The following FERMT1 variants were observed in gnomAD, a reference collection of about 807,000 sequenced individuals.
FERMT1 encodes FERM domain containing kindlin 1, also known as fermitin family homolog 1.
A neutral mutation model predicts 85.3 loss-of-function variants in FERMT1; 60 were observed. The observed-to-expected ratio is 0.70, with a 90% confidence interval of 0.57 to 0.87. The LOEUF is 0.87. FERMT1 is among the 40% of genes least tolerant of loss of function. The pLI, the probability that FERMT1 is intolerant of heterozygous loss-of-function variation, is 0.00. For synonymous variants in FERMT1, 275 were observed against 301.1 expected (o/e 0.91, Z 0.90); for missense variants, 701 against 818.9 (o/e 0.86, Z 1.76).
rs1275392675 is a variant in FERMT1 at position 6,104,593 on chromosome 20, T to C, written c.849+2939A>G. Among the ~76,000 whole-genome samples, 1 of 152,160 alleles carries C rather than the reference T, an allele frequency of 6.6e-6. No homozygotes were observed. Among genetic ancestry groups the C allele is most frequent in the Non-Finnish European group, 1.5e-5 (1 of 68,028 alleles). ...ATTATCCTGAGTCTTCCTGTCACCT[T>C]TGGGTTGACAGTTTCTGTGTGGCTG... is the stretch of plus-strand genomic sequence containing the variant. On this transcript the variant is annotated intron_variant, in intron 6 of 14. Transcript: ENST00000217289. The surrounding 1 kb of genome is among the most constrained non-coding windows in gnomAD (Gnocchi z 4.2).
rs745634549 is a variant in FERMT1, at chr20:6,076,510, T to C, written c.*663A>G. On this transcript the variant is annotated 3_prime_UTR_variant, in exon 15 of 15. Transcript: ENST00000217289. ...GGCCCCAGAAATCTGAGGAGACCAA[T>C]GACTAAGACCAGATGTGGGTCAGTG... 2 of 511,220 alleles carry C rather than the reference T, an allele frequency of 3.9e-6. No individual in the cohort carries two copies. Among genetic ancestry groups the C allele is most frequent in the South Asian group, 1.4e-5 (1 of 69,492 alleles). 31.7% of individuals were successfully genotyped at this position (511,220 alleles called of 1,614,324 possible). A position where few individuals can be genotyped will look rare whatever the true frequency, so the allele number is the denominator to read the frequency against.
At chr20:6,106,726 C>T (rs1013800798) in intron 6 of FERMT1, among the ~76,000 whole-genome samples, 1 of 152,220 alleles carries the variant, frequency 6.6e-6, no homozygotes, top group Non-Finnish European at 1.5e-5. Flanking sequence ...TGGTGACCAG[C>T]TGGGTGACCA....
intron 13 of FERMT1, among the ~76,000 whole-genome samples, chr20:6,082,696 C>G (rs937282936): frequency 6.6e-6 from 1 of 152,174 alleles, no homozygotes; most frequent in Non-Finnish European, 1.5e-5. Flanking sequence ...CACTGTGTCG[C>G]CTAGGCTGGA....
At chr20:6,098,833 T>C (rs556319145) in intron 6 of FERMT1, among the ~76,000 whole-genome samples, 23 of 152,322 alleles carry the variant, frequency 1.5e-4, no homozygotes, top group African/African-American at 5.5e-4. Flanking sequence ...GGTGAGGCTG[T>C]GGAGAAATTG....
At chr20:6,109,879 G>T (rs1401138465) in intron 5 of FERMT1, among the ~76,000 whole-genome samples, 1 of 136,188 alleles carries the variant, frequency 7.3e-6, no homozygotes, top group African/African-American at 2.9e-5. Flanking sequence ...TCCAGCCTGG[G>T]CAACAAGAGC....
At chr20:6,116,706 G>T (rs901371628) in intron 2 of FERMT1, among the ~76,000 whole-genome samples, 13 of 140,964 alleles carry the variant, frequency 9.2e-5, no homozygotes, top group Non-Finnish European at 1.7e-4. Flanking sequence ...TACAGCTTGG[G>T]CAACAAGAGC....
intron 8 of FERMT1, among the ~76,000 whole-genome samples, chr20:6,095,516 T>G (rs982460199): frequency 1.3e-5 from 2 of 152,272 alleles, no homozygotes; most frequent in African/African-American, 2.4e-5. Flanking sequence ...GGTCACTGAT[T>G]AAACTTTCAA....
chr20:6,117,934 T>C (rs2123154775), intron 2 of FERMT1, among the ~76,000 whole-genome samples: 1 of 152,376 alleles, frequency 6.6e-6, no homozygotes, highest in Middle Eastern at 3.4e-3. Context: ...AGTGCTGGGA[T>C]TACAGGCGTG....
chr20:6,098,051 C>T (rs747373061), intron 6 of FERMT1, among the ~76,000 whole-genome samples: 106 of 152,114 alleles, frequency 7.0e-4, no homozygotes, highest in Middle Eastern at 3.4e-3. Context: ...TGTGCTCAAA[C>T]GACCTACCCA....
At chr20:6,107,033 T>C (rs758235636) in intron 6 of FERMT1, among the ~76,000 whole-genome samples, 4 of 151,996 alleles carry the variant, frequency 2.6e-5, no homozygotes, top group Non-Finnish European at 5.9e-5. Flanking sequence ...CCGTCTTTAC[T>C]AAAAACATAA....
intron 11 of FERMT1, among the ~76,000 whole-genome samples, chr20:6,085,950 C>T (rs1199565483): frequency 6.6e-6 from 1 of 151,800 alleles, no homozygotes. Flanking sequence ...ACCATCCTGG[C>T]TAACATGGTG....
rs1021753302 is a variant in FERMT1 at position 6,075,708 on chromosome 20, G to A, written c.*1465C>T. The stretch of plus-strand genomic sequence containing the variant: ...AAATAAAGCAACAGCTGACGCTCAC[G>A]GGCCTCGGAACTCTGGCCAGGCTCC... On this transcript the variant is annotated 3_prime_UTR_variant, in exon 15 of 15. Transcript: ENST00000217289. 2 of 152,298 alleles carry A rather than the reference G, an allele frequency of 1.3e-5. No individual in the cohort carries two copies. The highest frequency in any genetic ancestry group is 6.5e-5 in the Admixed American group (1 of 15,276). The allele number at this position is 152,298 out of a possible 1,614,324, so 9.4% of individuals were successfully genotyped here.
chr20:6,110,398 A>G lies in FERMT1; in HGVS notation c.646T>C (p.Cys216Arg), dbSNP rs1982913943. ...GGTTGGCTGAATGCGAGGATGCTGCAGTTTTGTTCCGTCAAAGGGCTGTCA... is the reference window on the plus strand; with the variant it reads ...GGTTGGCTGAATGCGAGGATGCTGCGGTTTTGTTCCGTCAAAGGGCTGTCA... ...FSDSPLTEQN[C>R]SILAFSQPPQ... The change falls in exon 5 of 15, where the codon TGC becomes CGC. Residue 216 changes from cysteine to arginine, a missense_variant. By Grantham distance (180) the Cys-to-Arg change is radical (BLOSUM62 -3). Coordinates refer to ENST00000217289, the MANE Select transcript of FERMT1 (RefSeq NM_017671.5). The G allele has an allele frequency of 6.2e-7, 1 of 1,614,040 alleles. No homozygotes were observed. Among genetic ancestry groups the G allele is most frequent in the Non-Finnish European group, 8.5e-7 (1 of 1,179,982 alleles).
At chr20:6,082,776 C>T (rs1359261745) in intron 13 of FERMT1, among the ~76,000 whole-genome samples, 1 of 152,158 alleles carries the variant, frequency 6.6e-6, no homozygotes, top group Admixed American at 6.5e-5. Flanking sequence ...GTGCCTCAGC[C>T]TCCTGAGTAG....
At chr20:6,079,021 C>T (rs1040345174) in intron 14 of FERMT1, among the ~76,000 whole-genome samples, 2 of 152,206 alleles carry the variant, frequency 1.3e-5, no homozygotes, top group African/African-American at 4.8e-5. Flanking sequence ...TCTTCCAGTC[C>T]TCCATCGGGT....
intron 9 of FERMT1, among the ~76,000 whole-genome samples, chr20:6,093,824 T>C (rs1275510522): frequency 6.6e-6 from 1 of 152,098 alleles, no homozygotes; most frequent in African/African-American, 2.4e-5. Flanking sequence ...GGCGTGATGA[T>C]GGGCACCTGT....
chr20:6,106,346 A>T (rs1982796663), intron 6 of FERMT1, among the ~76,000 whole-genome samples: 1 of 152,178 alleles, frequency 6.6e-6, no homozygotes, highest in Non-Finnish European at 1.5e-5. Flanking sequence ...GAGCCTTTGC[A>T]GACCAGACCT....
Position 6,089,013 on chromosome 20 carries a change from T to G in FERMT1, c.1216A>C (p.Asn406His). The change falls in exon 10 of 15, where the codon AAT becomes CAT. Residue 406 changes from asparagine (N) to histidine (H), a missense_variant. Coordinates refer to ENST00000217289, the MANE Select transcript of FERMT1 (RefSeq NM_017671.5). ...GGTTCTCCTTGTTCAAGTTCCTTAT[T>G]TTTAAAGTATGCTATGGATGTGTCT... ...FKDTSIAYFK[N>H]KELEQGEPLE... 5 of 1,611,704 alleles carry G rather than the reference T, an allele frequency of 3.1e-6. No individual in the cohort carries two copies. The highest frequency in any genetic ancestry group is 2.5e-6 in the Non-Finnish European group (3 of 1,178,008).
At position 6,110,460 on chromosome 20, in the gene FERMT1, T is replaced by G; in HGVS notation, c.584A>C (p.Asn195Thr). 6.2e-7 allele frequency: 1 copy of G among 1,614,146 alleles called. No homozygotes were observed. The highest frequency in any genetic ancestry group is 8.5e-7 in the Non-Finnish European group (1 of 1,180,018). Residue 195 changes from asparagine (N) to threonine (T), a missense_variant, in exon 5 of 15, where the codon AAT (asparagine) becomes ACT (threonine). Coordinates refer to ENST00000217289, the MANE Select transcript of FERMT1 (RefSeq NM_017671.5). ...KTMTPIYDPI[N>T]GTPASSTMTW... ...CATGGTGGATGATGCTGGTGTTCCATTGATGGGGTCATATATAGGGGTCAT... is the reference window on the plus strand; with the variant it reads ...CATGGTGGATGATGCTGGTGTTCCAGTGATGGGGTCATATATAGGGGTCAT...
Sources: gnomAD v4.1 joint callset for allele counts (sites outside exome capture counted in the v4.1 genomes callset) on GRCh38, gnomAD v4.1.1 for gene constraint, Gnocchi (gnomAD v3.1) non-coding constraint, MANE v1.5 for transcripts, NCBI Gene and HGNC (gene_info 2026-07-23, HGNC 2026-07-21) for gene names.